The following LCP1 variants were observed in gnomAD, a reference collection of about 807,000 sequenced individuals.
The protein encoded by LCP1 is plastin-2.
In LCP1, 23 loss-of-function variants were observed where a neutral mutation model predicts 72.0. The ratio of observed to expected loss-of-function variants is 0.32; its 90% CI spans 0.23 to 0.45. LCP1 has a LOEUF of 0.45. Ranked by LOEUF, LCP1 falls within the 20% of genes least tolerant of loss-of-function variation. The pLI is 1.00. For missense variants in LCP1, 571 were observed against 748.3 expected (o/e 0.76, Z 2.76); for synonymous variants, 245 against 275.4 (o/e 0.89, Z 1.09).
intron 7 of LCP1, 29 bp from the exon 8 acceptor site, chr13:46,151,107 T>G: frequency 6.3e-7 from 1 of 1,589,984 alleles, no homozygotes; most frequent in Non-Finnish European, 8.5e-7. Flanking sequence ...CACAGAAAAA[T>G]AAATGCAGCG....
chr13:46,165,755 C>T (rs2045872893), intron 1 of LCP1, among the ~76,000 whole-genome samples: 1 of 152,092 alleles, frequency 6.6e-6, no homozygotes, highest in Non-Finnish European at 1.5e-5. Flanking sequence ...TGGGAAATCC[C>T]CTTCTGAATT....
At chr13:46,155,863 C>T (rs1442563426) in intron 5 of LCP1, among the ~76,000 whole-genome samples, 1 of 152,202 alleles carries the variant, frequency 6.6e-6, no homozygotes, top group Non-Finnish European at 1.5e-5. Context: ...TTAAGGACTT[C>T]TTCCATCATC....
chr13:46,151,103 A>C, intron 7 of LCP1, 25 bp from the exon 8 acceptor site: 3 of 1,594,472 alleles, frequency 1.9e-6, no homozygotes, highest in Non-Finnish European at 2.6e-6. Context: ...AAACCACAGA[A>C]AAATAAATGC....
intron 1 of LCP1, among the ~76,000 whole-genome samples, chr13:46,181,135 CAG>C: frequency 6.6e-6 from 1 of 152,248 alleles, no homozygotes; most frequent in South Asian, 2.1e-4. Flanking sequence ...ATAGTTCTGA[CAG>C]AGTAATTTTA....
In LCP1 at chr13:46,159,000, C is replaced by T. The variant is rs2045821190; in HGVS notation, c.65-11G>A. 2 of 1,613,286 alleles carry T rather than the reference C, an allele frequency of 1.2e-6. No homozygotes were observed. The highest frequency in any genetic ancestry group is 1.1e-5 in the South Asian group (1 of 91,058). ...CATTGCCATCAGTATCTGTAATGTA[C>T]ACAATATACTGAAGCTTCAGGACGA... On this transcript the variant is annotated splice_polypyrimidine_tract_variant and intron_variant, in intron 2 of 15. Transcript: ENST00000323076.
At chr13:46,127,816 C>T (rs560794593) in intron 15 of LCP1, 93 bp from the exon 16 acceptor site, 9 of 1,443,932 alleles carry the variant, frequency 6.2e-6, no homozygotes, top group Non-Finnish European at 8.6e-6. Flanking sequence ...GTTCCATAGT[C>T]AGGACAGAAC....
Position 46,127,416 on chromosome 13 carries a change from T to C in LCP1, c.*175A>G. 1.5e-6 allele frequency: 1 copy of C among 661,096 alleles called. No homozygotes were observed. The highest frequency in any genetic ancestry group is 2.5e-6 in the Non-Finnish European group (1 of 405,898). 41.0% of individuals were successfully genotyped at this position (661,096 alleles called of 1,614,324 possible). ...AGGAGGTTGGGCCTCCTGCAAAGAATGAAGCACTTTTTGTTAAATACAGGA... is the reference window on the plus strand; with the variant it reads ...AGGAGGTTGGGCCTCCTGCAAAGAACGAAGCACTTTTTGTTAAATACAGGA... On this transcript the variant is annotated 3_prime_UTR_variant, in exon 16 of 16. Transcript: ENST00000323076.
At chr13:46,142,852 C>T in intron 12 of LCP1, 1 of 430,268 alleles carries the variant, frequency 2.3e-6, no homozygotes, top group Non-Finnish European at 4.6e-6. Flanking sequence ...GGATCATTAA[C>T]AGTCACGGCA....
chr13:46,152,963 T>G lies in LCP1; in HGVS notation c.574-18A>C, dbSNP rs374443534. On this transcript the variant is annotated intron_variant, in intron 6 of 15. Transcript: ENST00000323076. ...AGATTTTCCTGAGGGAGAAAATGTA[T>G]GCAAGTTTTTGTTCTATGACTTTGT... The G allele has an allele frequency of 6.2e-7, 1 of 1,600,134 alleles. No individual in the cohort carries two copies. The highest frequency in any genetic ancestry group is 2.2e-5 in the East Asian group (1 of 44,722).
intron 1 of LCP1, among the ~76,000 whole-genome samples, chr13:46,167,662 T>C (rs960028047): frequency 2.6e-5 from 4 of 152,142 alleles, no homozygotes; most frequent in Non-Finnish European, 2.9e-5. Flanking sequence ...GTACCCCAAA[T>C]GCATCTTTTC....
chr13:46,139,860 G>C (rs9316189), intron 13 of LCP1, among the ~76,000 whole-genome samples: 43,498 of 151,940 alleles, frequency 0.29, 7,283 homozygotes, highest in African/African-American at 0.45. Flanking sequence ...CTAAAGTTTT[G>C]TATGAAAGGA....
chr13:46,135,918 C>G (rs2045662367), intron 13 of LCP1, among the ~76,000 whole-genome samples: 1 of 151,990 alleles, frequency 6.6e-6, no homozygotes, highest in South Asian at 2.1e-4. Context: ...CAGCTCCCTG[C>G]TTGGTCACAT....
Position 46,170,442 on chromosome 13 carries a change from G to A in LCP1, c.-24-10756C>T, listed in dbSNP as rs148950816. On this transcript the variant is annotated intron_variant, in intron 1 of 15. Coordinates refer to ENST00000323076, the MANE Select transcript of LCP1 (RefSeq NM_002298.5). The stretch of plus-strand genomic sequence containing the variant: ...ACTGTTGCTGTAAAACCTGCTGGCT[G>A]CCGGTAATGCTTGGCAGTGGGTCTC... Among the ~76,000 whole-genome samples, 317 of 152,268 alleles carry A rather than the reference G, an allele frequency of 2.1e-3. 1 individual carries two copies. Among genetic ancestry groups the A allele is most frequent in the African/African-American group, 7.3e-3 (304 of 41,536 alleles).
At chr13:46,137,700 A>T (rs192924381) in intron 13 of LCP1, among the ~76,000 whole-genome samples, 3 of 152,306 alleles carry the variant, frequency 2.0e-5, no homozygotes, top group Non-Finnish European at 4.4e-5. Flanking sequence ...CTGCTTTGGG[A>T]CGATTGTGCT....
At chr13:46,151,920 C>T (rs2045767000) in intron 7 of LCP1, among the ~76,000 whole-genome samples, 1 of 152,198 alleles carries the variant, frequency 6.6e-6, no homozygotes, top group Non-Finnish European at 1.5e-5. Flanking sequence ...TCACTGTTTA[C>T]ATACAGATAA....
At chr13:46,127,995 TA>T (rs900471167) in intron 15 of LCP1, among the ~76,000 whole-genome samples, 4 of 134,140 alleles carry the variant, frequency 3.0e-5, no homozygotes, top group African/African-American at 1.1e-4. Flanking sequence ...GCCTTTTTTT[TA>T]AGTTAAGTTT....
At chr13:46,174,190 T>C (rs1000266183) in intron 1 of LCP1, among the ~76,000 whole-genome samples, 1 of 152,240 alleles carries the variant, frequency 6.6e-6, no homozygotes, top group African/African-American at 2.4e-5. Context: ...AATAGGCTTC[T>C]TGGATTTTAG....
chr13:46,145,908 CAAAAAAAAAAAAAAAAAAAA>C (rs527364466), intron 10 of LCP1, among the ~76,000 whole-genome samples: 6 of 11,360 alleles, frequency 5.3e-4, no homozygotes, highest in Admixed American at 2.2e-3. Flanking sequence ...GACTCCGTCT[CAAAAAAAAAAAAAAAAAAAA>C]AAAAAAAAAA....
At chr13:46,156,674 A>G in intron 4 of LCP1, 104 bp from the exon 5 acceptor site, 1 of 1,219,268 alleles carries the variant, frequency 8.2e-7, no homozygotes, top group Non-Finnish European at 1.2e-6. Flanking sequence ...GAGAGATGTG[A>G]GTTTATTCAG....
Sources: gnomAD v4.1 joint callset for allele counts (sites outside exome capture counted in the v4.1 genomes callset) on GRCh38, gnomAD v4.1.1 for gene constraint, MANE v1.5 for transcripts, NCBI Gene and HGNC (gene_info 2026-07-23, HGNC 2026-07-21) for gene names.